Variants in TMEM182 observed in about 807,000 individuals in gnomAD.
TMEM182 encodes the protein transmembrane protein 182.
Under a neutral mutation model 26.8 loss-of-function variants are expected in TMEM182, and 20 were observed. That is an observed-to-expected ratio of 0.75 (90% CI 0.53 to 1.09). The LOEUF (loss-of-function observed/expected upper bound fraction) is 1.09, where lower values mean the gene tolerates loss of function less well. Ranked by LOEUF, TMEM182 falls within the 50% of genes least tolerant of loss-of-function variation. The pLI, the probability that TMEM182 is intolerant of heterozygous loss-of-function variation, is 0.00. For synonymous variants in TMEM182, 109 were observed against 102.2 expected, an observed-to-expected ratio of 1.07 and a Z score of -0.40; for missense variants, 277 against 275.5, an observed-to-expected ratio of 1.01 and a Z score of -0.04.
At chr2:102,833,163 G>A (rs1450075337) in intron 3 of TMEM182, among the ~76,000 whole-genome samples, 2 of 152,186 alleles carry the variant, frequency 1.3e-5, no homozygotes, top group African/African-American at 4.8e-5. Context: ...GGAGGTTGGA[G>A]GAGGAGTGGT....
At chr2:102,840,402 G>T (rs757438515) in intron 3 of TMEM182, among the ~76,000 whole-genome samples, 2 of 152,124 alleles carry the variant, frequency 1.3e-5, no homozygotes, top group African/African-American at 2.4e-5. Context: ...CTCCGTCTTC[G>T]CATATAACTC....
At chr2:102,829,328 G>A (rs1683104894) in intron 3 of TMEM182, among the ~76,000 whole-genome samples, 1 of 152,174 alleles carries the variant, frequency 6.6e-6, no homozygotes, top group African/African-American at 2.4e-5. Context: ...CTGCATCAGG[G>A]TGGGACACCT....
At chr2:102,762,563 G>A (rs1201109397) in intron 1 of TMEM182, 24 bp from the exon 2 acceptor site, 2 of 1,596,134 alleles carry the variant, frequency 1.3e-6, no homozygotes, top group South Asian at 1.1e-5. Context: ...TTGATGGCAA[G>A]TTACTTCATT....
chr2:102,762,342 A>G lies in TMEM182; in HGVS notation c.125A>G (p.Glu42Gly). The part of the protein sequence containing the change: ...LATEVGRCSG[E>G]KNIENVTFHH... ...ACTGAAGTGGGGAGATGTTCAGGTGAAAAGAATGTGAGTCTCTTCTTCAAA... is the reference window on the plus strand; with the variant it reads ...ACTGAAGTGGGGAGATGTTCAGGTGGAAAGAATGTGAGTCTCTTCTTCAAA... Residue 42 changes from glutamate to glycine, a missense_variant, in exon 1 of 5, where the codon GAA becomes GGA. Glu to Gly is a moderately conservative substitution (Grantham distance 98, BLOSUM62 -2). Transcript: ENST00000412401. 2 of 1,613,920 alleles carry G rather than the reference A, an allele frequency of 1.2e-6. No homozygotes were observed. Among genetic ancestry groups the G allele is most frequent in the Non-Finnish European group, 1.7e-6 (2 of 1,179,930 alleles).
rs1682768721 is a variant in TMEM182 at position 102,816,727 on chromosome 2, A to C, written c.*1759A>C. On this transcript the variant is annotated 3_prime_UTR_variant, in exon 5 of 5. Coordinates refer to ENST00000412401, the MANE Select transcript of TMEM182 (RefSeq NM_144632.5). ...GTCTGTTGTGCATGTTGACTGTGAT[A>C]TTAAGTTATGGCATGCCATTAAGTT... 1.0e-6 allele frequency: 1 copy of C among 985,748 alleles called. No homozygotes were observed. The highest frequency in any genetic ancestry group is 4.7e-5 in the South Asian group (1 of 21,280). The allele number at this position is 985,748 out of a possible 1,614,324, so 61.1% of individuals were successfully genotyped here.
chr2:102,805,227 A>G (rs1682302258), intron 4 of TMEM182, among the ~76,000 whole-genome samples: 2 of 152,348 alleles, frequency 1.3e-5, no homozygotes, highest in South Asian at 4.1e-4. Context: ...AATGTGTCTA[A>G]CTGGTTGTTA....
chr2:102,785,175 CA>C (rs752935882), intron 3 of TMEM182, among the ~76,000 whole-genome samples: 21 of 152,108 alleles, frequency 1.4e-4, no homozygotes, highest in Non-Finnish European at 1.9e-4. Flanking sequence ...TCCCTGAAGC[CA>C]AAGCTTTTCA....
intron 1 of TMEM182, among the ~76,000 whole-genome samples, chr2:102,750,373 T>C (rs115057289): frequency 0.016 from 2,503 of 152,344 alleles, 72 homozygotes; most frequent in African/African-American, 0.058. Context: ...CTCCCATGGT[T>C]GTAAGTAGGA....
At chr2:102,759,583 T>C (rs1680146896), upstream of TMEM182, among the ~76,000 whole-genome samples, 1 of 152,202 alleles carries the variant, frequency 6.6e-6, no homozygotes, top group Non-Finnish European at 1.5e-5. Context: ...TTTGCTCTAA[T>C]ATTGCATTAA....
At chr2:102,747,385 A>G (rs1679733229) in intron 1 of TMEM182, among the ~76,000 whole-genome samples, 1 of 152,244 alleles carries the variant, frequency 6.6e-6, no homozygotes, top group Non-Finnish European at 1.5e-5. Flanking sequence ...TACAGACCCA[A>G]CTAATTCTAT....
At chr2:102,753,055 T>C (rs907919506) in intron 1 of TMEM182, among the ~76,000 whole-genome samples, 6 of 152,260 alleles carry the variant, frequency 3.9e-5, no homozygotes, top group African/African-American at 1.4e-4. Context: ...CTCTGTAAGT[T>C]ACATCATTTT....
intron 3 of TMEM182, among the ~76,000 whole-genome samples, chr2:102,793,662 C>T (rs1021617307): frequency 6.6e-6 from 1 of 152,192 alleles, no homozygotes; most frequent in Non-Finnish European, 1.5e-5. Context: ...CTAATATTTA[C>T]TACAATGCAA....
intron 1 of TMEM182, among the ~76,000 whole-genome samples, chr2:102,745,679 TTC>T (rs2104632238): frequency 1.3e-5 from 2 of 152,226 alleles, no homozygotes; most frequent in African/African-American, 4.8e-5. Flanking sequence ...CTAATAAACT[TTC>T]TGTCTCTATA....
intron 1 of TMEM182, among the ~76,000 whole-genome samples, chr2:102,747,346 G>A (rs560054084): frequency 1.3e-5 from 2 of 152,286 alleles, no homozygotes; most frequent in South Asian, 4.1e-4. Flanking sequence ...CATCTGTATA[G>A]TCTCAGTTAT....
At chr2:102,813,224 T>G (rs1250153742) in intron 4 of TMEM182, among the ~76,000 whole-genome samples, 1 of 152,200 alleles carries the variant, frequency 6.6e-6, no homozygotes, top group Admixed American at 6.5e-5. Flanking sequence ...GAGCCCTTCT[T>G]CTTTTGTGTT....
intron 3 of TMEM182, among the ~76,000 whole-genome samples, chr2:102,831,279 G>A (rs890322922): frequency 7.9e-5 from 12 of 152,158 alleles, no homozygotes; most frequent in African/African-American, 2.7e-4. Context: ...CTCCCTAGTC[G>A]TTGTACTAAT....
chr2:102,817,446 A>C lies in TMEM182; in HGVS notation c.*2478A>C. The stretch of plus-strand genomic sequence containing the variant: ...TCATCTCTCCATATTGTATTTGTTC[A>C]GCTGGTTTAATTCACTCAGGTGGAT... On this transcript the variant is annotated 3_prime_UTR_variant, in exon 5 of 5. Transcript: ENST00000412401. 1 of 985,412 alleles carries C rather than the reference A, an allele frequency of 1.0e-6. No homozygotes were observed. Among genetic ancestry groups the C allele is most frequent in the Non-Finnish European group, 1.2e-6 (1 of 829,930 alleles). The allele number at this position is 985,412 out of a possible 1,614,324, so 61.0% of individuals were successfully genotyped here. A position where few individuals can be genotyped will look rare whatever the true frequency, so the allele number is the denominator to read the frequency against.
intron 4 of TMEM182, among the ~76,000 whole-genome samples, chr2:102,810,717 A>C (rs1338399180): frequency 6.6e-6 from 1 of 152,140 alleles, no homozygotes; most frequent in African/African-American, 2.4e-5. Flanking sequence ...GAAATATTTT[A>C]TATATTTTCT....
At position 102,797,967 on chromosome 2, in the gene TMEM182, T is replaced by G; in HGVS notation, c.436T>G (p.Tyr146Asp). The G allele has an allele frequency of 3.1e-6, 5 of 1,614,100 alleles. No homozygotes were observed. The highest frequency in any genetic ancestry group is 4.2e-6 in the Non-Finnish European group (5 of 1,180,014). Reference protein sequence around the residue: ...CAAPFASHFLYKAGGGSYIAA... With the variant: ...CAAPFASHFLDKAGGGSYIAA... ...AGCCCCCTTCGCCAGCCATTTTCTC[T>G]ACAAAGCTGGGGGAGGCTCATATAT... is the stretch of plus-strand genomic sequence containing the variant. The change falls in exon 4 of 5, where the codon TAC (tyrosine) becomes GAC (aspartate). Residue 146 changes from tyrosine to aspartate, a missense_variant. Transcript: ENST00000412401.
Sources: allele counts gnomAD v4.1 joint callset (sites outside exome capture counted in the v4.1 genomes callset), GRCh38; gene constraint gnomAD v4.1.1; transcripts MANE v1.5; gene names NCBI Gene and HGNC (gene_info 2026-07-23, HGNC 2026-07-21).